The following ATP9A variants were observed in gnomAD, a reference collection of about 807,000 sequenced individuals.
ATP9A encodes ATPase phospholipid transporting 9A, also known as probable phospholipid-transporting ATPase IIA.
A neutral mutation model predicts 144.1 loss-of-function variants in ATP9A; 52 were observed. That is an observed-to-expected ratio of 0.36 (90% CI 0.29 to 0.45). The LOEUF is 0.45. ATP9A is among the 20% of genes least tolerant of loss of function. The pLI, the probability that ATP9A is intolerant of heterozygous loss-of-function variation, is 1.00. For missense variants in ATP9A, 947 were observed against 1,392.7 expected (o/e 0.68, Z 5.09); for synonymous variants, 582 against 557.4 (o/e 1.04, Z -0.62).
At chr20:51,735,044 C>A in intron 1 of ATP9A, 1 of 200,168 alleles carries the variant, frequency 5.0e-6, no homozygotes, top group Non-Finnish European at 1.1e-5. Flanking sequence ...AAAGTGCCCA[C>A]GCCCCTAAAA....
intron 2 of ATP9A, among the ~76,000 whole-genome samples, chr20:51,726,149 CT>C (rs1327576245): frequency 1.3e-5 from 2 of 151,742 alleles, no homozygotes; most frequent in African/African-American, 4.8e-5. Context: ...CCTGTCTCTA[CT>C]AAAACTACAA....
chr20:51,650,747 C>T lies in ATP9A; in HGVS notation c.1506+6191G>A, dbSNP rs76253787. ...AGCATGTGCTAGCCATGGAGACACT[C>T]TGCATGTTACCTAGAACTGCTGATT... On this transcript the variant is annotated intron_variant, in intron 14 of 27. Coordinates refer to ENST00000338821, the MANE Select transcript of ATP9A (RefSeq NM_006045.3). 5.4e-3 allele frequency among the ~76,000 whole-genome samples: 814 copies of T among 152,116 alleles called. 6 individuals are homozygous for T. The highest frequency in any genetic ancestry group is 0.018 in the African/African-American group (760 of 41,496).
intron 3 of ATP9A, among the ~76,000 whole-genome samples, chr20:51,725,181 G>A (rs540495041): frequency 3.9e-5 from 6 of 152,084 alleles, no homozygotes; most frequent in Admixed American, 2.0e-4. Context: ...GGAGTGCAGT[G>A]GCGTGATGTC....
At chr20:51,696,388 G>C (rs2077570854) in intron 5 of ATP9A, among the ~76,000 whole-genome samples, 1 of 152,144 alleles carries the variant, frequency 6.6e-6, no homozygotes, top group South Asian at 2.1e-4. Flanking sequence ...TCTTATCTTG[G>C]AAAGAGAGCT....
At chr20:51,734,075 C>T (rs1291974460) in intron 1 of ATP9A, among the ~76,000 whole-genome samples, 1 of 152,066 alleles carries the variant, frequency 6.6e-6, no homozygotes, top group Non-Finnish European at 1.5e-5. Flanking sequence ...CTTCCAAGCT[C>T]AACCAATCCT....
At chr20:51,626,563 C>A (rs1057346774) in intron 17 of ATP9A, among the ~76,000 whole-genome samples, 2 of 150,662 alleles carry the variant, frequency 1.3e-5, no homozygotes, top group Non-Finnish European at 3.0e-5. Context: ...GTAATCCCAG[C>A]TACAAGGAGG....
chr20:51,718,619 A>G (rs1347693780), intron 3 of ATP9A, among the ~76,000 whole-genome samples: 2 of 151,046 alleles, frequency 1.3e-5, no homozygotes, highest in Non-Finnish European at 2.9e-5. Flanking sequence ...GGAGTTCGAG[A>G]CCAGCCTGGC....
intron 23 of ATP9A, among the ~76,000 whole-genome samples, chr20:51,610,876 A>C (rs2077182521): frequency 6.6e-6 from 1 of 152,192 alleles, no homozygotes; most frequent in African/African-American, 2.4e-5. Flanking sequence ...TTATTTTTGC[A>C]ATTAGACAAA....
chr20:51,654,678 T>C (rs1168804286), intron 14 of ATP9A, among the ~76,000 whole-genome samples: 2 of 152,042 alleles, frequency 1.3e-5, no homozygotes, highest in Admixed American at 6.6e-5. Context: ...TGAGCCATGA[T>C]TGCACCTATC....
chr20:51,714,421 AC>A (rs1337715992), intron 3 of ATP9A, among the ~76,000 whole-genome samples: 1 of 149,842 alleles, frequency 6.7e-6, no homozygotes, highest in Non-Finnish European at 1.5e-5. Flanking sequence ...TCACTCTGTT[AC>A]CCAGGATGGA....
intron 16 of ATP9A, 68 bp from the exon 17 acceptor site, chr20:51,627,751 G>A (rs2077255406): frequency 7.7e-7 from 1 of 1,301,914 alleles, no homozygotes; most frequent in Admixed American, 1.7e-5. Context: ...GGAAGGACCA[G>A]TGCCCAAGTG....
chr20:51,616,328 T>C (rs536730825), intron 22 of ATP9A, among the ~76,000 whole-genome samples: 2 of 144,028 alleles, frequency 1.4e-5, no homozygotes, highest in East Asian at 4.3e-4. Context: ...ACTTCTTTTC[T>C]TTTTTTTTGA....
intron 1 of ATP9A, among the ~76,000 whole-genome samples, chr20:51,735,596 C>T (rs2040427102): frequency 6.6e-6 from 1 of 152,182 alleles, no homozygotes; most frequent in South Asian, 2.1e-4. Flanking sequence ...CTTCTCCTTC[C>T]TCACAATCTC....
Position 51,671,677 on chromosome 20 carries a change from T to C in ATP9A, c.1038-420A>G, listed in dbSNP as rs1041362408. Among the ~76,000 whole-genome samples the C allele has an allele frequency of 4.2e-4, 64 of 152,174 alleles. 1 individual carries two copies. The highest frequency in any genetic ancestry group is 1.3e-4 in the Non-Finnish European group (9 of 68,026). On this transcript the variant is annotated intron_variant, in intron 11 of 27. Transcript: ENST00000338821. ...CAGCCATCAGCATCATCCACCTCCG[T>C]AATTCTTTCATCTTCCCAAACTGAA...
At chr20:51,642,265 C>T (rs942133807) in intron 14 of ATP9A, among the ~76,000 whole-genome samples, 10 of 152,106 alleles carry the variant, frequency 6.6e-5, no homozygotes, top group Middle Eastern at 6.8e-3. Flanking sequence ...AGCAATTCTC[C>T]TGCATCAGCC....
intron 22 of ATP9A, among the ~76,000 whole-genome samples, chr20:51,614,146 A>C (rs1649697027): frequency 6.6e-6 from 1 of 152,216 alleles, no homozygotes; most frequent in South Asian, 2.1e-4. Flanking sequence ...TAAAACATTC[A>C]GTTCCCTTAA....
At chr20:51,737,319 ATTCACCT>A (rs2077766947) in intron 1 of ATP9A, among the ~76,000 whole-genome samples, 1 of 152,156 alleles carries the variant, frequency 6.6e-6, no homozygotes, top group South Asian at 2.1e-4. Context: ...CCCCGTACCC[ATTCACCT>A]TTGAGCCACT....
At chr20:51,627,386 C>T (rs1017707662) in intron 17 of ATP9A, among the ~76,000 whole-genome samples, 15 of 152,092 alleles carry the variant, frequency 9.9e-5, no homozygotes, top group African/African-American at 3.6e-4. Flanking sequence ...TGAGCTGAGA[C>T]CCAAAAGAAG....
chr20:51,734,709 G>A (rs1278313725), intron 1 of ATP9A: 1 of 178,336 alleles, frequency 5.6e-6, no homozygotes, highest in South Asian at 1.2e-4. Flanking sequence ...TCTTAAGTGG[G>A]TGAACCCCAA....
Sources: gnomAD v4.1 joint callset for allele counts (sites outside exome capture counted in the v4.1 genomes callset) on GRCh38, gnomAD v4.1.1 for gene constraint, MANE v1.5 for transcripts, NCBI Gene and HGNC (gene_info 2026-07-23, HGNC 2026-07-21) for gene names.